RPS6KA2: variants seen among roughly 807,000 people sequenced by gnomAD.
The protein encoded by RPS6KA2 is ribosomal protein S6 kinase alpha-2.
A neutral mutation model predicts 91.8 loss-of-function variants in RPS6KA2; 42 were observed. The observed-to-expected ratio is 0.46, with a 90% CI of 0.36 to 0.59. The LOEUF (loss-of-function observed/expected upper bound fraction) is 0.59, where lower values mean the gene tolerates loss of function less well. Ranked by LOEUF, RPS6KA2 falls within the 20% of genes least tolerant of loss-of-function variation. RPS6KA2 has a pLI of 0.00. For missense variants in RPS6KA2, 798 were observed against 978.5 expected, an observed-to-expected ratio of 0.82 and a Z score of 2.46; for synonymous variants, 414 against 393.6, an observed-to-expected ratio of 1.05 and a Z score of -0.61.
chr6:166,858,032 G>T, intron 2 of RPS6KA2: 1 of 626,574 alleles, frequency 1.6e-6, no homozygotes. Flanking sequence ...CACATGATAT[G>T]TACATATGCA....
At position 166,435,760 on chromosome 6, in the gene RPS6KA2, G is replaced by A. The variant is rs1779275685; in HGVS notation, c.1333-3270C>T. Among the ~76,000 whole-genome samples the A allele has an allele frequency of 1.3e-5, 2 of 152,282 alleles. No individual in the cohort carries two copies. The highest frequency in any genetic ancestry group is 4.1e-4 in the South Asian group (2 of 4,838). On this transcript the variant is annotated intron_variant, in intron 14 of 20. Transcript: ENST00000265678. This position sits in a 1 kb window ranked among gnomAD's most constrained non-coding sequence, Gnocchi z 4.3. The stretch of plus-strand genomic sequence containing the variant: ...GGCGACAACACTGCTGTGGGTGTGG[G>A]TGGCTTGGCCTGTGGCCATGTCACT...
chr6:166,529,700 G>C (rs1278647391), intron 3 of RPS6KA2, among the ~76,000 whole-genome samples: 1 of 152,158 alleles, frequency 6.6e-6, no homozygotes, highest in Admixed American at 6.5e-5. Flanking sequence ...AGAATTACTG[G>C]GACATCTTGT....
In RPS6KA2 at chr6:166,500,873, C is replaced by A; in HGVS notation, c.604+14G>T. On this transcript the variant is annotated intron_variant, in intron 7 of 20. Coordinates refer to ENST00000265678, the MANE Select transcript of RPS6KA2 (RefSeq NM_021135.6). This position sits in a 1 kb window ranked among gnomAD's most constrained non-coding sequence, Gnocchi z 4.3. ...AGATGAAGCCATGGAGGGGGCCTGC[C>A]GTCTTTTACAAACCTGTGATCTTAA... The A allele has an allele frequency of 6.2e-7, 1 of 1,613,286 alleles. No homozygotes were observed. Among genetic ancestry groups the A allele is most frequent in the Non-Finnish European group, 8.5e-7 (1 of 1,179,284 alleles).
At chr6:166,757,968 C>T in intron 2 of RPS6KA2, 1 of 186,106 alleles carries the variant, frequency 5.4e-6, no homozygotes, top group Non-Finnish European at 1.1e-5. Flanking sequence ...CAGAAGCCGG[C>T]AAAGCAGAAG....
intron 2 of RPS6KA2, among the ~76,000 whole-genome samples, chr6:166,818,685 G>A (rs1003203187): frequency 3.3e-5 from 5 of 152,094 alleles, no homozygotes; most frequent in East Asian, 1.9e-4. Context: ...TTATAATTCC[G>A]TCGTGCCTTT....
At chr6:166,819,985 G>A (rs1158381847) in intron 2 of RPS6KA2, among the ~76,000 whole-genome samples, 1 of 152,170 alleles carries the variant, frequency 6.6e-6, no homozygotes, top group Admixed American at 6.5e-5. Flanking sequence ...GAGAGTGTGT[G>A]TTTTGTCAAC....
chr6:166,515,853 T>C lies in RPS6KA2; in HGVS notation c.299-5496A>G, dbSNP rs530620293. ...CTGCTCACTGAGATAAATGCAGATC[T>C]GATTGCCTCCTTTGGAGAGGCTAGT... On this transcript the variant is annotated intron_variant, in intron 3 of 20. Coordinates refer to ENST00000265678, the MANE Select transcript of RPS6KA2 (RefSeq NM_021135.6). Among the ~76,000 whole-genome samples the C allele has an allele frequency of 5.9e-5, 9 of 152,340 alleles. 1 individual carries two copies. In the South Asian group the frequency reaches 1.9e-3, roughly 32 times the overall value.
chr6:166,840,721 C>T (rs1266823703), intron 2 of RPS6KA2, among the ~76,000 whole-genome samples: 1 of 152,134 alleles, frequency 6.6e-6, no homozygotes, highest in Non-Finnish European at 1.5e-5. Flanking sequence ...GCCTGTAATC[C>T]CAGGCTTAGG....
intron 2 of RPS6KA2, among the ~76,000 whole-genome samples, chr6:166,824,825 C>G (rs192009748): frequency 3.7e-4 from 54 of 144,520 alleles, no homozygotes; most frequent in East Asian, 1.3e-3. Context: ...CTGTGTGTGT[C>G]TGTGTGTGTG....
chr6:166,747,399 A>G lies in RPS6KA2; in HGVS notation c.123+110801T>C, dbSNP rs140326660. 3.4e-3 allele frequency among the ~76,000 whole-genome samples: 524 copies of G among 152,350 alleles called. 6 individuals carry two copies. The highest frequency in any genetic ancestry group is 0.012 in the African/African-American group (491 of 41,574). ...CAAGGATTGTCAGGAGCACTCAACC[A>G]TAATGGAAGAATGGCCCAGTTGGAA... is the stretch of plus-strand genomic sequence containing the variant. On this transcript the variant is annotated intron_variant, in intron 2 of 21. Transcript: ENST00000503859.
intron 2 of RPS6KA2, among the ~76,000 whole-genome samples, chr6:166,747,488 T>C (rs918025107): frequency 6.6e-6 from 1 of 152,220 alleles, no homozygotes; most frequent in African/African-American, 2.4e-5. Context: ...CCTTCACAAA[T>C]GCACATCGCA....
intron 2 of RPS6KA2, among the ~76,000 whole-genome samples, chr6:166,652,624 T>G (rs1284636447): frequency 6.6e-6 from 1 of 152,186 alleles, no homozygotes; most frequent in Non-Finnish European, 1.5e-5. Flanking sequence ...GAGCACCCTC[T>G]GACCAACTCA....
At chr6:166,824,869 G>A (rs955141687) in intron 2 of RPS6KA2, among the ~76,000 whole-genome samples, 30 of 151,958 alleles carry the variant, frequency 2.0e-4, no homozygotes, top group Admixed American at 1.9e-3. Flanking sequence ...GTGTGTCTGT[G>A]TGTGTATGTC....
chr6:166,566,334 C>T (rs1228778343), intron 1 of RPS6KA2, among the ~76,000 whole-genome samples: 1 of 152,236 alleles, frequency 6.6e-6, no homozygotes, highest in Non-Finnish European at 1.5e-5. Context: ...CAAAGGGCCC[C>T]TTCACAGGCG....
chr6:166,520,950 T>G (rs574582817), intron 3 of RPS6KA2, among the ~76,000 whole-genome samples: 2 of 152,182 alleles, frequency 1.3e-5, no homozygotes, highest in Admixed American at 6.5e-5. Context: ...GGTAGAATGA[T>G]TTAAAAGTAG....
intron 2 of RPS6KA2, among the ~76,000 whole-genome samples, chr6:166,790,628 C>A (rs1409417215): frequency 6.6e-6 from 1 of 152,104 alleles, no homozygotes; most frequent in Non-Finnish European, 1.5e-5. Context: ...CTCGGGTTAC[C>A]CACAAAGGGA....
intron 2 of RPS6KA2, among the ~76,000 whole-genome samples, chr6:166,810,555 G>A (rs1779604323): frequency 6.6e-6 from 1 of 152,174 alleles, no homozygotes; most frequent in African/African-American, 2.4e-5. Flanking sequence ...AAATAGCTGA[G>A]AATCACCGGT....
At chr6:166,513,578 G>A (rs3778423) in intron 3 of RPS6KA2, among the ~76,000 whole-genome samples, 19,196 of 152,212 alleles carry the variant, frequency 0.13, 1,564 homozygotes, top group South Asian at 0.26. Flanking sequence ...TGCCTGCCCC[G>A]CTCCACTGGG....
chr6:166,612,776 A>C lies in RPS6KA2; in HGVS notation c.99+14145T>G, dbSNP rs771923377. On this transcript the variant is annotated intron_variant, in intron 1 of 20. Coordinates refer to ENST00000265678, the MANE Select transcript of RPS6KA2 (RefSeq NM_021135.6). This position sits in a 1 kb window ranked among gnomAD's most constrained non-coding sequence, Gnocchi z 4.3. ...CATTTGGATGTTTTCCCAAGTGGCC[A>C]CTGCCAAATTTACTCCACATCAGCC... Among the ~76,000 whole-genome samples the C allele has an allele frequency of 1.3e-5, 2 of 152,152 alleles. No individual in the cohort carries two copies. Among genetic ancestry groups the C allele is most frequent in the Admixed American group, 6.5e-5 (1 of 15,280 alleles).
Sources: gnomAD v4.1 joint callset for allele counts (sites outside exome capture counted in the v4.1 genomes callset) on GRCh38, gnomAD v4.1.1 for gene constraint, Gnocchi (gnomAD v3.1) non-coding constraint, MANE v1.5 for transcripts, NCBI Gene and HGNC (gene_info 2026-07-23, HGNC 2026-07-21) for gene names.